The following PTPRD variants were observed in gnomAD, a reference collection of about 807,000 sequenced individuals.
PTPRD encodes the protein receptor-type tyrosine-protein phosphatase delta.
PTPRD carries 34 observed loss-of-function variants against 214.5 expected under a neutral mutation model. The ratio of observed to expected loss-of-function variants is 0.16; its 90% CI spans 0.12 to 0.21. The LOEUF (loss-of-function observed/expected upper bound fraction) is 0.21, where lower values mean the gene tolerates loss of function less well. Among genes scored for constraint, PTPRD ranks in the 10% least tolerant of loss-of-function variants. The pLI, the probability that PTPRD is intolerant of heterozygous loss-of-function variation, is 1.00. For synonymous variants in PTPRD, 1,128 were observed against 845.7 expected (o/e 1.33, Z -5.79); for missense variants, 2,545 against 2,398.7 (o/e 1.06, Z -1.27).
At chr9:10,421,534 G>C (rs749082132) in intron 2 of PTPRD, among the ~76,000 whole-genome samples, 3 of 151,852 alleles carry the variant, frequency 2.0e-5, no homozygotes, top group African/African-American at 4.8e-5. Context: ...AGTTTAAGGA[G>C]ATAATGATAA....
chr9:9,404,090 A>G (rs10118330), intron 8 of PTPRD, among the ~76,000 whole-genome samples: 5,113 of 152,128 alleles, frequency 0.034, 240 homozygotes, highest in African/African-American at 0.11. Context: ...AGAATCTAGT[A>G]AGCAGAACAG....
chr9:10,548,199 A>G (rs529844043), intron 2 of PTPRD, among the ~76,000 whole-genome samples: 1 of 152,288 alleles, frequency 6.6e-6, no homozygotes, highest in South Asian at 2.1e-4. Context: ...AGAAACTCAT[A>G]TATTAATTGA....
intron 12 of PTPRD, among the ~76,000 whole-genome samples, chr9:8,712,267 G>C (rs1277961538): frequency 5.9e-5 from 9 of 152,128 alleles, no homozygotes; most frequent in Non-Finnish European, 2.9e-5. Flanking sequence ...TAAGAGTAAA[G>C]ACAGCCTGTA....
chr9:8,670,236 A>T (rs776298299), intron 12 of PTPRD, among the ~76,000 whole-genome samples: 1 of 152,168 alleles, frequency 6.6e-6, no homozygotes, highest in Non-Finnish European at 1.5e-5. Flanking sequence ...TATGTGGTAC[A>T]TTAGATATTT....
chr9:8,979,593 T>G (rs1477727282), intron 11 of PTPRD, among the ~76,000 whole-genome samples: 3 of 152,040 alleles, frequency 2.0e-5, no homozygotes, highest in Non-Finnish European at 4.4e-5. Context: ...AACAGACATT[T>G]CTCCAAAGGA....
intron 3 of PTPRD, among the ~76,000 whole-genome samples, chr9:10,157,120 G>T (rs878902039): frequency 6.6e-6 from 1 of 152,134 alleles, no homozygotes; most frequent in Non-Finnish European, 1.5e-5. Context: ...GGGGCATTTA[G>T]CCCATCTACA....
At chr9:9,911,137 T>A (rs1403685397) in intron 5 of PTPRD, among the ~76,000 whole-genome samples, 2 of 152,036 alleles carry the variant, frequency 1.3e-5, no homozygotes, top group Admixed American at 1.3e-4. Context: ...ATCAGCCCCA[T>A]CCTCTCCTTT....
intron 5 of PTPRD, among the ~76,000 whole-genome samples, chr9:9,926,194 T>G (rs1317784930): frequency 6.6e-6 from 1 of 152,124 alleles, no homozygotes; most frequent in African/African-American, 2.4e-5. Context: ...TACCTAATAT[T>G]TTCCTAAGTC....
chr9:8,443,808 T>C (rs539328897), intron 34 of PTPRD, among the ~76,000 whole-genome samples: 38 of 152,254 alleles, frequency 2.5e-4, no homozygotes, highest in African/African-American at 9.1e-4. Flanking sequence ...ACAACTTTCT[T>C]TGTACTGAAA....
rs1195992109 is a variant in PTPRD, at chr9:8,439,563, C to T, written c.3989-2874G>A. ...TCATTAGCCAAAATGTATACACAGT[C>T]TATTATGATGTTATATCATATATCA... On this transcript the variant is annotated intron_variant, in intron 34 of 45. Coordinates refer to ENST00000381196, the MANE Select transcript of PTPRD (RefSeq NM_002839.4). 5.3e-5 allele frequency among the ~76,000 whole-genome samples: 8 copies of T among 152,066 alleles called. No individual in the cohort carries two copies. The East Asian group carries it at 1.5e-3, about 29-fold the overall frequency.
intron 13 of PTPRD, among the ~76,000 whole-genome samples, chr9:8,636,057 C>T (rs2096422257): frequency 6.6e-6 from 1 of 152,176 alleles, no homozygotes; most frequent in Admixed American, 6.5e-5. Context: ...CAGAATAGTA[C>T]TTTAAAACAC....
intron 10 of PTPRD, among the ~76,000 whole-genome samples, chr9:9,149,100 G>A (rs150981500): frequency 6.6e-6 from 1 of 152,208 alleles, no homozygotes; most frequent in African/African-American, 2.4e-5. Context: ...TCCGCAGTCT[G>A]ACTGTTTAGG....
chr9:8,431,810 C>T (rs566265739), intron 35 of PTPRD, among the ~76,000 whole-genome samples: 16 of 152,232 alleles, frequency 1.1e-4, no homozygotes, highest in Admixed American at 7.2e-4. Context: ...GTGTCTCTGC[C>T]AGGTTTTGGT....
At chr9:9,740,164 T>C (rs1365470378) in intron 6 of PTPRD, among the ~76,000 whole-genome samples, 1 of 151,766 alleles carries the variant, frequency 6.6e-6, no homozygotes, top group African/African-American at 2.4e-5. Context: ...GTTGATCTTG[T>C]GGTTTATTCA....
At chr9:9,005,628 C>A (rs184923083) in intron 11 of PTPRD, among the ~76,000 whole-genome samples, 2 of 152,152 alleles carry the variant, frequency 1.3e-5, no homozygotes, top group Admixed American at 1.3e-4. Context: ...TAAAATTCTG[C>A]TGCTTTCAGC....
Position 9,563,564 on chromosome 9 carries a change from G to T in PTPRD, c.-237+11168C>A, listed in dbSNP as rs766667972. Among the ~76,000 whole-genome samples the T allele has an allele frequency of 1.2e-4, 18 of 152,242 alleles. No homozygotes were observed. In the Middle Eastern group the frequency reaches 0.02, roughly 173 times the overall value. On this transcript the variant is annotated intron_variant, in intron 8 of 45. Coordinates refer to ENST00000381196, the MANE Select transcript of PTPRD (RefSeq NM_002839.4). The stretch of plus-strand genomic sequence containing the variant: ...AACTCAGGGACAGCCTACAGAGCTG[G>T]AGCATAGTAAGAAAAATAAGGAAAC...
At chr9:8,360,042 T>A (rs533132329) in intron 39 of PTPRD, among the ~76,000 whole-genome samples, 1 of 152,380 alleles carries the variant, frequency 6.6e-6, no homozygotes, top group East Asian at 1.9e-4. Flanking sequence ...GGTGTCATCA[T>A]GTTTATTCCA....
chr9:8,429,047 C>T (rs1451732930), intron 35 of PTPRD, among the ~76,000 whole-genome samples: 1 of 152,168 alleles, frequency 6.6e-6, no homozygotes, highest in Non-Finnish European at 1.5e-5. Context: ...AAAAGCAATG[C>T]GTCCTTAGCA....
intron 36 of PTPRD, among the ~76,000 whole-genome samples, chr9:8,403,653 C>T (rs1453902353): frequency 1.3e-5 from 2 of 152,118 alleles, no homozygotes; most frequent in Non-Finnish European, 2.9e-5. Flanking sequence ...GAGGAGCAAC[C>T]CTCATCTTTT....
Sources: allele counts gnomAD v4.1 joint callset (sites outside exome capture counted in the v4.1 genomes callset), GRCh38; gene constraint gnomAD v4.1.1; transcripts MANE v1.5; gene names NCBI Gene and HGNC (gene_info 2026-07-23, HGNC 2026-07-21).